OXCT1: variants seen among roughly 807,000 people sequenced by gnomAD.
OXCT1 encodes 3-oxoacid CoA-transferase 1, also known as succinyl-CoA:3-ketoacid coenzyme A transferase 1, mitochondrial.
Under a neutral mutation model 69.6 loss-of-function variants are expected in OXCT1, and 27 were observed. The observed-to-expected ratio is 0.39, with a 90% CI of 0.29 to 0.54. The LOEUF is 0.54. Ranked by LOEUF, OXCT1 falls within the 20% of genes least tolerant of loss-of-function variation. OXCT1 has a pLI of 0.72. For missense variants in OXCT1, 437 were observed against 650.2 expected (o/e 0.67, Z 3.57); for synonymous variants, 202 against 217.8 (o/e 0.93, Z 0.64).
At chr5:41,863,023 A>G (rs939174977) in intron 1 of OXCT1, among the ~76,000 whole-genome samples, 1 of 151,954 alleles carries the variant, frequency 6.6e-6, no homozygotes. Context: ...CCAGGAAAGT[A>G]CGGTACAATA....
intron 13 of OXCT1, among the ~76,000 whole-genome samples, chr5:41,768,477 A>C (rs1304040257): frequency 6.6e-6 from 1 of 152,206 alleles, no homozygotes; most frequent in Non-Finnish European, 1.5e-5. Flanking sequence ...AATATGATCC[A>C]AACTAAATTA....
chr5:41,857,164 T>C (rs894137043), intron 3 of OXCT1, among the ~76,000 whole-genome samples: 3 of 152,214 alleles, frequency 2.0e-5, no homozygotes, highest in East Asian at 1.9e-4. Context: ...CTCTGCACTA[T>C]CTTGCCAGGG....
At chr5:41,817,044 A>G (rs1747279212) in intron 7 of OXCT1, among the ~76,000 whole-genome samples, 1 of 152,200 alleles carries the variant, frequency 6.6e-6, no homozygotes, top group Non-Finnish European at 1.5e-5. Context: ...CCCAAATCCA[A>G]AATATCTTCC....
rs148975283 is a variant in OXCT1, at chr5:41,760,391, A to G, written c.1338+1720T>C. 1.1e-4 allele frequency among the ~76,000 whole-genome samples: 16 copies of G among 152,222 alleles called. 1 individual carries two copies. Among genetic ancestry groups the G allele is most frequent in the African/African-American group, 3.8e-4 (16 of 41,566 alleles). On this transcript the variant is annotated intron_variant, in intron 14 of 16. Transcript: ENST00000196371. ...CAGTGCTAATTTCCCCACTGAGAGA[A>G]GGAAAGAAGTAAAAAATATGATCTT...
chr5:41,828,442 C>A (rs1159288009), intron 7 of OXCT1, among the ~76,000 whole-genome samples: 1 of 152,042 alleles, frequency 6.6e-6, no homozygotes, highest in Non-Finnish European at 1.5e-5. Flanking sequence ...CATTTCTATA[C>A]ATGAGAAACT....
chr5:41,869,034 G>C (rs1224552698), intron 1 of OXCT1, among the ~76,000 whole-genome samples: 1 of 152,178 alleles, frequency 6.6e-6, no homozygotes, highest in South Asian at 2.1e-4. Flanking sequence ...CTGTGCTCTG[G>C]TTTGTATTAG....
chr5:41,869,319 C>G (rs1750163164), intron 1 of OXCT1, among the ~76,000 whole-genome samples: 1 of 152,206 alleles, frequency 6.6e-6, no homozygotes, highest in Non-Finnish European at 1.5e-5. Context: ...AAGCTCAGAC[C>G]TATTACTGAA....
chr5:41,850,683 C>A lies in OXCT1; in HGVS notation c.415-504G>T, dbSNP rs552004460. ...TCTACAAATCGTCTAAGAAAAAAAA[C>A]AAAGTGAAAAATACAGCATACTGGT... On this transcript the variant is annotated intron_variant, in intron 4 of 16. Transcript: ENST00000196371. Among the ~76,000 whole-genome samples the A allele has an allele frequency of 4.7e-5, 7 of 149,592 alleles. No homozygotes were observed. In the East Asian group the frequency reaches 1.4e-3, roughly 29 times the overall value.
chr5:41,745,250 C>T (rs1579644260), intron 15 of OXCT1, among the ~76,000 whole-genome samples: 1 of 152,026 alleles, frequency 6.6e-6, no homozygotes, highest in African/African-American at 2.4e-5. Flanking sequence ...AAGAAACTCA[C>T]TCAAAACCAC....
At chr5:41,854,121 C>T (rs1749318783) in intron 3 of OXCT1, among the ~76,000 whole-genome samples, 1 of 152,090 alleles carries the variant, frequency 6.6e-6, no homozygotes, top group African/African-American at 2.4e-5. Flanking sequence ...TGAACATTTT[C>T]CCTATATCAT....
At chr5:41,853,368 A>C in intron 4 of OXCT1, 51 bp downstream of exon 4, 1 of 1,550,262 alleles carries the variant, frequency 6.5e-7, no homozygotes, top group East Asian at 2.2e-5. Context: ...CGGAGAAAAA[A>C]GGAATTTTTA....
At chr5:41,765,169 T>C (rs1433327425) in intron 13 of OXCT1, among the ~76,000 whole-genome samples, 1 of 152,154 alleles carries the variant, frequency 6.6e-6, no homozygotes. Flanking sequence ...GGCATTCTTT[T>C]GGGTCCCCAC....
At chr5:41,768,008 TGCCCC>T (rs1744700402) in intron 13 of OXCT1, among the ~76,000 whole-genome samples, 1 of 152,058 alleles carries the variant, frequency 6.6e-6, no homozygotes, top group South Asian at 2.1e-4. Context: ...TCATATGAAC[TGCCCC>T]TGTCTCTGAT....
At chr5:41,779,580 T>C (rs888843686) in intron 13 of OXCT1, among the ~76,000 whole-genome samples, 5 of 152,110 alleles carry the variant, frequency 3.3e-5, no homozygotes, top group African/African-American at 4.8e-5. Context: ...GTCTTTAAAA[T>C]TCTATGCTTA....
chr5:41,782,403 C>T (rs796967589), intron 13 of OXCT1, among the ~76,000 whole-genome samples: 2 of 151,890 alleles, frequency 1.3e-5, no homozygotes, highest in African/African-American at 4.8e-5. Flanking sequence ...TTGTAAAGAT[C>T]GGGTTTCACT....
intron 15 of OXCT1, among the ~76,000 whole-genome samples, 156 bp downstream of exon 15, chr5:41,749,370 AC>A (rs1301055306): frequency 5.9e-5 from 9 of 152,104 alleles, no homozygotes; most frequent in African/African-American, 2.2e-4. Flanking sequence ...AAAGAATTCT[AC>A]ATTTAGAAAC....
At chr5:41,816,743 T>C (rs1400185202) in intron 7 of OXCT1, among the ~76,000 whole-genome samples, 1 of 152,154 alleles carries the variant, frequency 6.6e-6, no homozygotes, top group African/African-American at 2.4e-5. Flanking sequence ...TCTCTCCTTA[T>C]GAAGTAATAA....
intron 5 of OXCT1, among the ~76,000 whole-genome samples, chr5:41,848,085 C>T (rs1156850500): frequency 6.9e-6 from 1 of 145,104 alleles, no homozygotes; most frequent in African/African-American, 2.6e-5. Flanking sequence ...AGCAAAGTCT[C>T]AGGATACAAA....
intron 13 of OXCT1, among the ~76,000 whole-genome samples, chr5:41,792,142 C>T (rs927082974): frequency 5.3e-5 from 8 of 152,172 alleles, no homozygotes; most frequent in African/African-American, 1.9e-4. Flanking sequence ...TTACCAGGTA[C>T]TAAGTGTCAA....
Sources: gnomAD v4.1 joint callset for allele counts (sites outside exome capture counted in the v4.1 genomes callset) on GRCh38, gnomAD v4.1.1 for gene constraint, MANE v1.5 for transcripts, NCBI Gene and HGNC (gene_info 2026-07-23, HGNC 2026-07-21) for gene names.